The following CDH8 variants were observed in gnomAD, a reference collection of about 807,000 sequenced individuals.
CDH8 encodes the protein cadherin-8.
CDH8 carries 17 observed loss-of-function variants against 68.1 expected under a neutral mutation model. The ratio of observed to expected loss-of-function variants is 0.25; its 90% CI spans 0.17 to 0.37. CDH8 has a LOEUF of 0.37. CDH8 is among the 10% of genes least tolerant of loss of function. The pLI, the probability that CDH8 is intolerant of heterozygous loss-of-function variation, is 1.00. For missense variants in CDH8, 763 were observed against 999.3 expected (o/e 0.76, Z 3.19); for synonymous variants, 372 against 365.1 (o/e 1.02, Z -0.21).
In CDH8 at chr16:61,713,966, A is replaced by G. The variant is rs1964675853; in HGVS notation, c.1537-8T>C. The G allele has an allele frequency of 2.0e-6, 3 of 1,507,850 alleles. No individual in the cohort carries two copies. Among genetic ancestry groups the G allele is most frequent in the Non-Finnish European group, 2.8e-6 (3 of 1,084,214 alleles). 93.4% of individuals were successfully genotyped at this position (1,507,850 alleles called of 1,614,324 possible). ...GCTAACAGTTTGAATGACCTGAAAC[A>G]TAAAACTTGACGTCAGCATTTCTGA... On this transcript the variant is annotated splice_polypyrimidine_tract_variant and splice_region_variant and intron_variant, in intron 9 of 11. Coordinates refer to ENST00000577390, the MANE Select transcript of CDH8 (RefSeq NM_001796.5).
intron 7 of CDH8, among the ~76,000 whole-genome samples, chr16:61,790,214 A>G (rs1227237324): frequency 6.6e-6 from 1 of 152,092 alleles, no homozygotes; most frequent in East Asian, 1.9e-4. Flanking sequence ...TCGTTCAGAT[A>G]AGAAAATACG....
At chr16:61,887,295 A>G (rs924832551) in intron 3 of CDH8, among the ~76,000 whole-genome samples, 4 of 152,210 alleles carry the variant, frequency 2.6e-5, no homozygotes, top group African/African-American at 9.6e-5. Context: ...GAGCAGAAGA[A>G]AGGAAAGATA....
chr16:61,712,141 G>A (rs779727006), intron 10 of CDH8, among the ~76,000 whole-genome samples: 15 of 151,436 alleles, frequency 9.9e-5, no homozygotes, highest in Non-Finnish European at 1.8e-4. Flanking sequence ...AGCAGAATGA[G>A]GTATTCTAAA....
chr16:61,731,922 A>C (rs1248729631), intron 8 of CDH8, among the ~76,000 whole-genome samples: 4 of 151,794 alleles, frequency 2.6e-5, no homozygotes, highest in Non-Finnish European at 5.9e-5. Context: ...ATAAAAAGAC[A>C]GAAATTATTA....
intron 7 of CDH8, among the ~76,000 whole-genome samples, chr16:61,807,513 C>G (rs1961822347): frequency 6.6e-6 from 1 of 151,956 alleles, no homozygotes; most frequent in Non-Finnish European, 1.5e-5. Flanking sequence ...AACAAACAAA[C>G]AAACAAAAAA....
intron 3 of CDH8, among the ~76,000 whole-genome samples, chr16:61,865,165 C>T (rs1963230628): frequency 6.6e-6 from 1 of 152,196 alleles, no homozygotes; most frequent in African/African-American, 2.4e-5. Context: ...AGATTCTTAA[C>T]TGCAGTCAGG....
chr16:61,746,556 AACACACACACAC>A (rs71675273), intron 8 of CDH8, among the ~76,000 whole-genome samples: 90 of 140,208 alleles, frequency 6.4e-4, no homozygotes, highest in East Asian at 3.7e-3. Flanking sequence ...ATTCCCCCCC[AACACACACACAC>A]ACACACACAC....
chr16:61,929,045 A>G (rs1162136474), intron 2 of CDH8, among the ~76,000 whole-genome samples: 1 of 152,070 alleles, frequency 6.6e-6, no homozygotes, highest in Non-Finnish European at 1.5e-5. Context: ...AGTAGCTGGG[A>G]CTACAGGTGC....
intron 7 of CDH8, among the ~76,000 whole-genome samples, chr16:61,798,599 G>C (rs557008069): frequency 1.5e-4 from 23 of 152,290 alleles, no homozygotes; most frequent in African/African-American, 5.5e-4. Flanking sequence ...GGTCGAAACT[G>C]AGGTAGAAAT....
chr16:61,718,078 C>T (rs1351030507), intron 9 of CDH8, among the ~76,000 whole-genome samples: 1 of 151,284 alleles, frequency 6.6e-6, no homozygotes, highest in Non-Finnish European at 1.5e-5. Context: ...GTTCTCTGCA[C>T]CCATTGCCCT....
At chr16:61,839,852 T>C (rs568575670) in intron 4 of CDH8, among the ~76,000 whole-genome samples, 1 of 152,296 alleles carries the variant, frequency 6.6e-6, no homozygotes, top group African/African-American at 2.4e-5. Context: ...CAACAGCCGC[T>C]AAAAGGCAAA....
At chr16:62,021,641 A>G in intron 1 of CDH8, 39 bp from the exon 2 acceptor site, 1 of 1,164,814 alleles carries the variant, frequency 8.6e-7, no homozygotes, top group East Asian at 2.9e-5. Context: ...GGGTCTACTC[A>G]AACTGGTTTT....
intron 8 of CDH8, among the ~76,000 whole-genome samples, chr16:61,775,664 C>A (rs1040574816): frequency 1.2e-4 from 18 of 152,032 alleles, no homozygotes; most frequent in African/African-American, 4.3e-4. Flanking sequence ...AAAAGCTAAG[C>A]TAGCCTGCTA....
intron 8 of CDH8, among the ~76,000 whole-genome samples, chr16:61,784,626 G>GAA (rs1961185599): frequency 1.4e-5 from 2 of 140,684 alleles, no homozygotes; most frequent in South Asian, 5.0e-4. Context: ...CAAATCAACA[G>GAA]AATATACATT....
intron 2 of CDH8, among the ~76,000 whole-genome samples, chr16:62,020,479 AACAC>A (rs911076902): frequency 1.1e-4 from 15 of 131,614 alleles, no homozygotes; most frequent in African/African-American, 2.8e-4. Flanking sequence ...AGTCCAGTCT[AACAC>A]ACACACGCGC....
intron 3 of CDH8, among the ~76,000 whole-genome samples, chr16:61,866,047 G>A (rs2143021373): frequency 6.6e-6 from 1 of 152,070 alleles, no homozygotes; most frequent in Non-Finnish European, 1.5e-5. Context: ...GCCAAACTCT[G>A]TCTCTACAAA....
chr16:61,854,570 T>G lies in CDH8; in HGVS notation c.667+2549A>C, dbSNP rs1162038280. Among the ~76,000 whole-genome samples the G allele has an allele frequency of 2.0e-5, 3 of 152,250 alleles. No individual in the cohort carries two copies. The East Asian group carries it at 5.8e-4, about 30-fold the overall frequency. ...CAGTCATAAGCCCCTAATAAGCCAT[T>G]GGCACTACTATCTCTGTCTCAGCAT... On this transcript the variant is annotated intron_variant, in intron 4 of 11. Transcript: ENST00000577390.
intron 2 of CDH8, among the ~76,000 whole-genome samples, chr16:61,986,256 A>G (rs1965625776): frequency 2.0e-5 from 3 of 152,108 alleles, no homozygotes; most frequent in Admixed American, 1.3e-4. Context: ...GACTATCCTC[A>G]TTCTAATAAA....
At chr16:61,960,215 G>C (rs866263269) in intron 2 of CDH8, among the ~76,000 whole-genome samples, 1 of 70,412 alleles carries the variant, frequency 1.4e-5, no homozygotes, top group Non-Finnish European at 2.6e-5. Flanking sequence ...ATATACATGT[G>C]TGTGTGTATA....
Sources: gnomAD v4.1 joint callset for allele counts (sites outside exome capture counted in the v4.1 genomes callset) on GRCh38, gnomAD v4.1.1 for gene constraint, MANE v1.5 for transcripts, NCBI Gene and HGNC (gene_info 2026-07-23, HGNC 2026-07-21) for gene names.